Variants in SLC4A10 observed in about 807,000 individuals in gnomAD.
The protein encoded by SLC4A10 is solute carrier family 4 member 10.
A neutral mutation model predicts 137.7 loss-of-function variants in SLC4A10; 42 were observed. The ratio of observed to expected loss-of-function variants is 0.30; its 90% CI spans 0.24 to 0.39. The LOEUF is 0.39. SLC4A10 is among the 10% of genes least tolerant of loss of function. The pLI, the probability that SLC4A10 is intolerant of heterozygous loss-of-function variation, is 1.00. For synonymous variants in SLC4A10, 474 were observed against 464.1 expected, an observed-to-expected ratio of 1.02 and a Z score of -0.27; for missense variants, 925 against 1,355.0, an observed-to-expected ratio of 0.68 and a Z score of 4.98.
chr2:161,946,046 C>T (rs573513940), intron 16 of SLC4A10, among the ~76,000 whole-genome samples: 1 of 152,020 alleles, frequency 6.6e-6, no homozygotes, highest in South Asian at 2.1e-4. Context: ...GGATGAAAAA[C>T]ACAAGGATTC....
intron 1 of SLC4A10, among the ~76,000 whole-genome samples, chr2:161,657,553 A>T (rs867779320): frequency 2.6e-5 from 4 of 151,910 alleles, no homozygotes; most frequent in African/African-American, 9.7e-5. Flanking sequence ...TATTATTATT[A>T]TTTTTTTAAC....
intron 1 of SLC4A10, among the ~76,000 whole-genome samples, chr2:161,672,652 A>G (rs2039864416): frequency 6.6e-6 from 1 of 152,254 alleles, no homozygotes; most frequent in Middle Eastern, 3.4e-3. Flanking sequence ...TGTGCATATC[A>G]ACTTCTGTCC....
chr2:161,841,331 G>T (rs2059169487), intron 4 of SLC4A10, among the ~76,000 whole-genome samples: 1 of 152,154 alleles, frequency 6.6e-6, no homozygotes, highest in African/African-American at 2.4e-5. Context: ...ACCTGCCTCA[G>T]CCTCCCAAAG....
intron 1 of SLC4A10, among the ~76,000 whole-genome samples, chr2:161,700,169 T>A (rs2042978564): frequency 6.6e-6 from 1 of 152,138 alleles, no homozygotes; most frequent in Non-Finnish European, 1.5e-5. Context: ...TAGTTGTTGA[T>A]GAGATTGGAA....
At chr2:161,773,173 T>C (rs553263280) in intron 2 of SLC4A10, among the ~76,000 whole-genome samples, 1 of 152,000 alleles carries the variant, frequency 6.6e-6, no homozygotes, top group East Asian at 1.9e-4. Context: ...AGGACCTTTG[T>C]GCTGTATCAT....
intron 6 of SLC4A10, among the ~76,000 whole-genome samples, chr2:161,870,456 A>G (rs72881034): frequency 0.061 from 9,191 of 151,806 alleles, 366 homozygotes; most frequent in East Asian, 0.13. Context: ...GAATTATTAT[A>G]AGAAAGCAGA....
rs914835634 is a variant in SLC4A10, at chr2:161,766,393, G to C, written c.49-4580G>C. On this transcript the variant is annotated intron_variant, in intron 1 of 26. Transcript: ENST00000446997. ...TTTGTATAAATTAAAAATTGATTCA[G>C]GTTCTTGAAATAAAAATTAAACGTT... Among the ~76,000 whole-genome samples, 4 of 152,026 alleles carry C rather than the reference G, an allele frequency of 2.6e-5. No individual in the cohort carries two copies. In the East Asian group the frequency reaches 7.7e-4, roughly 29 times the overall value.
intron 8 of SLC4A10, among the ~76,000 whole-genome samples, chr2:161,877,371 G>C (rs763757152): frequency 8.6e-5 from 13 of 152,032 alleles, no homozygotes; most frequent in Non-Finnish European, 1.8e-4. Context: ...TTTCCATTGA[G>C]AGAGAAAACT....
chr2:161,896,676 G>T (rs1258068412), intron 11 of SLC4A10, among the ~76,000 whole-genome samples: 3 of 152,032 alleles, frequency 2.0e-5, no homozygotes, highest in Admixed American at 6.6e-5. Flanking sequence ...GCTCATAAAT[G>T]CATGTTTTAC....
At chr2:161,905,232 C>T (rs1405766315) in intron 14 of SLC4A10, among the ~76,000 whole-genome samples, 1 of 152,142 alleles carries the variant, frequency 6.6e-6, no homozygotes, top group African/African-American at 2.4e-5. Context: ...ACAATTTTTC[C>T]ACAAAGAGGG....
At chr2:161,690,568 A>G (rs1467070114) in intron 1 of SLC4A10, among the ~76,000 whole-genome samples, 1 of 152,208 alleles carries the variant, frequency 6.6e-6, no homozygotes, top group African/African-American at 2.4e-5. Context: ...AATAGACTGG[A>G]TAAAGAAAAT....
chr2:161,708,647 A>C, intron 1 of SLC4A10: 2 of 1,466,646 alleles, frequency 1.4e-6, no homozygotes, highest in Non-Finnish European at 1.8e-6. Flanking sequence ...TGATGGCTTA[A>C]ACAGATACTG....
intron 1 of SLC4A10, among the ~76,000 whole-genome samples, chr2:161,668,722 A>C (rs1269326519): frequency 6.6e-6 from 1 of 151,920 alleles, no homozygotes; most frequent in Non-Finnish European, 1.5e-5. Context: ...CTTTTGGAAC[A>C]CATTACTTGA....
At chr2:161,717,371 G>C (rs961887095) in intron 1 of SLC4A10, among the ~76,000 whole-genome samples, 1 of 152,210 alleles carries the variant, frequency 6.6e-6, no homozygotes, top group African/African-American at 2.4e-5. Context: ...TCTTGTGCCA[G>C]TTTTCAAGGG....
At chr2:161,720,824 C>CTT (rs375436761) in intron 1 of SLC4A10, among the ~76,000 whole-genome samples, 30 of 145,258 alleles carry the variant, frequency 2.1e-4, no homozygotes, top group East Asian at 6.0e-4. Context: ...AGTCTTGACT[C>CTT]TTTTTTTTTT....
intron 15 of SLC4A10, among the ~76,000 whole-genome samples, chr2:161,929,909 A>G (rs79102212): frequency 0.015 from 2,308 of 152,278 alleles, 55 homozygotes; most frequent in African/African-American, 0.053. Flanking sequence ...TTGCCATAGT[A>G]TTATATATCA....
intron 1 of SLC4A10, among the ~76,000 whole-genome samples, chr2:161,650,667 A>T (rs2036666062): frequency 6.6e-6 from 1 of 152,200 alleles, no homozygotes; most frequent in African/African-American, 2.4e-5. Flanking sequence ...ATTTCGGAGC[A>T]AAGTTGAGGC....
At chr2:161,809,897 T>C (rs1462434866) in intron 3 of SLC4A10, among the ~76,000 whole-genome samples, 2 of 152,168 alleles carry the variant, frequency 1.3e-5, no homozygotes, top group Non-Finnish European at 2.9e-5. Flanking sequence ...AGAATAGTTT[T>C]TCTAATTCTG....
At chr2:161,966,564 C>T (rs1697616649) in intron 23 of SLC4A10, among the ~76,000 whole-genome samples, 1 of 151,952 alleles carries the variant, frequency 6.6e-6, no homozygotes. Flanking sequence ...TATTGGCTAA[C>T]ATGGTGAAAC....
Sources: gnomAD v4.1 joint callset for allele counts (sites outside exome capture counted in the v4.1 genomes callset) on GRCh38, gnomAD v4.1.1 for gene constraint, MANE v1.5 for transcripts, NCBI Gene and HGNC (gene_info 2026-07-23, HGNC 2026-07-21) for gene names.